Variants in GP6 observed in about 807,000 individuals in gnomAD.
GP6 encodes platelet glycoprotein VI.
In GP6, 45 loss-of-function variants were observed where a neutral mutation model predicts 37.3. The observed-to-expected ratio is 1.21, with a 90% CI of 0.95 to 1.55. GP6 has a LOEUF of 1.55. Ranked by LOEUF, GP6 falls within the 40% of genes most tolerant of loss-of-function variation. The pLI, the probability that GP6 is intolerant of heterozygous loss-of-function variation, is 0.00. For missense variants in GP6, 813 were observed against 760.2 expected, an observed-to-expected ratio of 1.07 and a Z score of -0.82; for synonymous variants, 340 against 316.4, an observed-to-expected ratio of 1.07 and a Z score of -0.79.
At chr19:55,022,944 T>G (rs937965656) in intron 5 of GP6, among the ~76,000 whole-genome samples, 5 of 152,176 alleles carry the variant, frequency 3.3e-5, no homozygotes, top group Admixed American at 2.0e-4. Flanking sequence ...CCAAAGTAAT[T>G]TATAGATTCA....
intron 6 of GP6, among the ~76,000 whole-genome samples, chr19:55,016,704 G>A (rs992088715): frequency 6.6e-5 from 10 of 151,850 alleles, no homozygotes; most frequent in African/African-American, 2.4e-4. Context: ...AGTATCTCCT[G>A]AGACTCGCCA....
At chr19:55,025,996 CCCCCAAAAAA>C (rs2074284888) in intron 4 of GP6, among the ~76,000 whole-genome samples, 1 of 131,558 alleles carries the variant, frequency 7.6e-6, no homozygotes, top group African/African-American at 3.1e-5. Context: ...AGTGAGACTC[CCCCCAAAAAA>C]AAAAAAAAAA....
Position 55,023,242 on chromosome 19 carries a change from C to T in GP6, c.664+1976G>A, listed in dbSNP as rs142904779. Reference sequence around the variant, plus strand: ...TGATCTTCAACAAACCTGACAAAAACAAGCAATGGGGAAAGGATTCCCTAT... The same window carrying T: ...TGATCTTCAACAAACCTGACAAAAATAAGCAATGGGGAAAGGATTCCCTAT... On this transcript the variant is annotated intron_variant, in intron 5 of 7. Transcript: ENST00000310373. Among the ~76,000 whole-genome samples, 14 of 152,288 alleles carry T rather than the reference C, an allele frequency of 9.2e-5. No individual in the cohort carries two copies. The East Asian group carries it at 2.7e-3, about 29-fold the overall frequency.
intron 3 of GP6, among the ~76,000 whole-genome samples, chr19:55,028,970 G>T (rs1036211742): frequency 6.6e-6 from 1 of 151,442 alleles, no homozygotes; most frequent in African/African-American, 2.5e-5. Flanking sequence ...ACACTAGCCT[G>T]GGTGACAGAG....
chr19:55,026,622 G>A (rs899396782), intron 4 of GP6, among the ~76,000 whole-genome samples: 4 of 152,152 alleles, frequency 2.6e-5, no homozygotes, highest in African/African-American at 4.8e-5. Flanking sequence ...CCGACGCGGT[G>A]GCTCACGCCT....
intron 6 of GP6, 40 bp downstream of exon 6, chr19:55,018,612 A>T: frequency 8.7e-7 from 1 of 1,144,528 alleles, no homozygotes; most frequent in Non-Finnish European, 1.3e-6. Context: ...CTCCGTCCTC[A>T]CACTCCTTTC....
chr19:55,037,417 A>AACCTCC (rs1237868052), intron 1 of GP6, among the ~76,000 whole-genome samples: 13 of 149,258 alleles, frequency 8.7e-5, no homozygotes, highest in African/African-American at 3.2e-4. Flanking sequence ...GGCTCACCGC[A>AACCTCC]ACCTCCACCT....
Position 55,014,634 on chromosome 19 carries a change from G to A in GP6, c.1311C>T (p.Thr437=). 1.2e-6 allele frequency: 2 copies of A among 1,614,086 alleles called. No homozygotes were observed. Among genetic ancestry groups the A allele is most frequent in the Non-Finnish European group, 1.7e-6 (2 of 1,179,964 alleles). ...AGGTTGAAGAAAGAGGCCAGTATGT[G>A]GTCCAGCCAGGGTACCATGTCATCC... Residue 437 remains threonine (T), a synonymous_variant, in exon 8 of 8, where the codon ACC becomes ACT. Coordinates refer to ENST00000310373, the MANE Select transcript of GP6 (RefSeq NM_001083899.2).
At chr19:55,037,564 C>T (rs1467791777) in intron 1 of GP6, among the ~76,000 whole-genome samples, 3 of 149,534 alleles carry the variant, frequency 2.0e-5, no homozygotes, top group Admixed American at 6.7e-5. Flanking sequence ...CTCAAACTCC[C>T]GACCTCAGAT....
chr19:55,025,628 C>T (rs2074271106), intron 4 of GP6, among the ~76,000 whole-genome samples: 1 of 151,892 alleles, frequency 6.6e-6, no homozygotes, highest in Non-Finnish European at 1.5e-5. Flanking sequence ...ATCACTTGAA[C>T]CTAGGAGGCA....
At chr19:55,032,477 G>A (rs1248177796) in intron 2 of GP6, 29 bp downstream of exon 2, 10 of 1,613,680 alleles carry the variant, frequency 6.2e-6, no homozygotes, top group South Asian at 2.2e-5. Flanking sequence ...GGATCCCGCA[G>A]GAGGGAAGGG....
rs759751882 is a variant in GP6, at chr19:55,014,918, C to T, written c.1027G>A (p.Ala343Thr). The stretch of plus-strand genomic sequence containing the variant: ...GGATACGACCGTGCCTGGGGTTCAG[C>T]GGTCATGAACATAACCCGCGGCTGT... The change falls in exon 8 of 8, where the codon GCT becomes ACT. Residue 343 changes from alanine (A) to threonine (T), a missense_variant. Coordinates refer to ENST00000310373, the MANE Select transcript of GP6 (RefSeq NM_001083899.2). 237 of 1,613,100 alleles carry T rather than the reference C, an allele frequency of 1.5e-4. No homozygotes were observed. Among genetic ancestry groups the T allele is most frequent in the Non-Finnish European group, 1.9e-4 (230 of 1,179,804 alleles).
At position 55,027,652 on chromosome 19, in the gene GP6, C is replaced by T. The variant is rs751979972; in HGVS notation, c.536G>A (p.Arg179Gln). The T allele has an allele frequency of 2.2e-5, 35 of 1,612,528 alleles. No individual in the cohort carries two copies. The African/African-American group carries it at 3.2e-4, about 15-fold the overall frequency. Residue 179 changes from arginine (R) to glutamine (Q), a missense_variant, in exon 4 of 8, where the codon CGA (arginine) becomes CAA (glutamine). Transcript: ENST00000310373. Reference sequence around the variant, plus strand: ...GTCCCTGCTGGAGAAGCTGTAGCATCGGTAGGTTCCGCTGTGGGCGGCGGT... The same window carrying T: ...GTCCCTGCTGGAGAAGCTGTAGCATTGGTAGGTTCCGCTGTGGGCGGCGGT...
At chr19:55,031,429 G>T (rs542681225) in intron 3 of GP6, among the ~76,000 whole-genome samples, 1 of 152,228 alleles carries the variant, frequency 6.6e-6, no homozygotes, top group South Asian at 2.1e-4. Context: ...CCTGGGCAGT[G>T]TAGCAAGACC....
chr19:55,018,486 C>G (rs928915099), intron 6 of GP6, among the ~76,000 whole-genome samples, 166 bp downstream of exon 6: 1 of 152,234 alleles, frequency 6.6e-6, no homozygotes, highest in African/African-American at 2.4e-5. Context: ...CTTCTGAACC[C>G]CAGAGCTCCA....
intron 6 of GP6, among the ~76,000 whole-genome samples, chr19:55,016,478 C>T (rs1286646642): frequency 7.5e-5 from 11 of 147,052 alleles, no homozygotes; most frequent in South Asian, 2.2e-4. Context: ...TGGGCTCAAG[C>T]GATTCTCCTG....
At chr19:55,018,920 A>T (rs1025587266) in intron 5 of GP6, 6 of 614,458 alleles carry the variant, frequency 9.8e-6, no homozygotes, top group Non-Finnish European at 1.7e-5. Context: ...ATTGATAGAC[A>T]CTTGGTTTTT....
At position 55,032,414 on chromosome 19, in the gene GP6, C is replaced by G. The variant is rs1464948668; in HGVS notation, c.68-18G>C. 1 of 1,611,616 alleles carries G rather than the reference C, an allele frequency of 6.2e-7. No individual in the cohort carries two copies. The highest frequency in any genetic ancestry group is 8.5e-7 in the Non-Finnish European group (1 of 1,178,934). ...GAGCGGTCCTGGAAGAGGAGCAGGG[C>G]TGGGTCAGCCTCCCCGCAGACCCCG... On this transcript the variant is annotated intron_variant, in intron 2 of 7. Transcript: ENST00000310373.
At chr19:55,031,585 T>C (rs984526307) in intron 3 of GP6, among the ~76,000 whole-genome samples, 2 of 152,240 alleles carry the variant, frequency 1.3e-5, no homozygotes, top group Non-Finnish European at 2.9e-5. Context: ...TGTGGATGTT[T>C]TTGCAATTTA....
Sources: allele counts gnomAD v4.1 joint callset (sites outside exome capture counted in the v4.1 genomes callset), GRCh38; gene constraint gnomAD v4.1.1; transcripts MANE v1.5; gene names NCBI Gene and HGNC (gene_info 2026-07-23, HGNC 2026-07-21).